The following ANKS1B variants were observed in gnomAD, a reference collection of about 807,000 sequenced individuals.
ANKS1B encodes the protein ankyrin repeat and sterile alpha motif domain containing 1B.
A neutral mutation model predicts 148.3 loss-of-function variants in ANKS1B; 36 were observed. The observed-to-expected ratio is 0.24, with a 90% CI of 0.19 to 0.32. The LOEUF (loss-of-function observed/expected upper bound fraction) is 0.32. ANKS1B is among the 10% of genes least tolerant of loss of function. The probability of loss-of-function intolerance (pLI) is 1.00; values close to 1 mark genes in which losing one functional copy is unlikely to be tolerated. For missense variants in ANKS1B, 1,157 were observed against 1,542.6 expected (o/e 0.75, Z 4.19); for synonymous variants, 542 against 560.8 (o/e 0.97, Z 0.47).
Position 99,805,315 on chromosome 12 carries a change from TAAGAC to T in ANKS1B, c.669+1084_669+1088del, listed in dbSNP as rs558045139. On this transcript the variant is annotated intron_variant, in intron 4 of 26. Coordinates refer to ENST00000683438, the MANE Select transcript of ANKS1B (RefSeq NM_001352186.2). ...ACTAACCCTGGAGTTGGGGCTAACTTAAGACAAGATATCAAAAGTAGGCTGTGGCC... is the reference window on the plus strand; with the variant it reads ...ACTAACCCTGGAGTTGGGGCTAACTTAAGATATCAAAAGTAGGCTGTGGCC... Among the ~76,000 whole-genome samples, 29 of 117,892 alleles carry T rather than the reference TAAGAC, an allele frequency of 2.5e-4. No individual in the cohort carries two copies. The South Asian group carries it at 8.6e-3, about 35-fold the overall frequency. 77.3% of individuals were successfully genotyped at this position (117,892 alleles called of 152,430 possible).
At chr12:98,945,617 G>T (rs2099844301) in intron 17 of ANKS1B, among the ~76,000 whole-genome samples, 1 of 150,172 alleles carries the variant, frequency 6.7e-6, no homozygotes, top group South Asian at 2.1e-4. Context: ...AAACTCCTGA[G>T]TCTGAAACAT....
intron 8 of ANKS1B, among the ~76,000 whole-genome samples, chr12:99,739,520 T>C (rs1472533167): frequency 6.6e-6 from 1 of 152,132 alleles, no homozygotes; most frequent in Non-Finnish European, 1.5e-5. Flanking sequence ...TATAATCATA[T>C]ATGAATAATG....
chr12:99,931,084 T>C (rs1313651297), intron 1 of ANKS1B, among the ~76,000 whole-genome samples: 11 of 151,356 alleles, frequency 7.3e-5, no homozygotes, highest in East Asian at 3.9e-4. Flanking sequence ...CAGCAAACTA[T>C]CACAAGGACA....
chr12:99,215,095 GT>G (rs1207816171), intron 14 of ANKS1B, among the ~76,000 whole-genome samples: 2 of 152,208 alleles, frequency 1.3e-5, no homozygotes, highest in South Asian at 2.1e-4. Flanking sequence ...CAAAGATATG[GT>G]TTGGAATTGG....
chr12:98,855,860 T>C (rs1258460266), intron 17 of ANKS1B, among the ~76,000 whole-genome samples: 1 of 152,202 alleles, frequency 6.6e-6, no homozygotes, highest in East Asian at 1.9e-4. Context: ...AAACTTTGTG[T>C]CTCTTCCAAA....
At chr12:99,070,713 C>T (rs1480468909) in intron 16 of ANKS1B, among the ~76,000 whole-genome samples, 1 of 152,170 alleles carries the variant, frequency 6.6e-6, no homozygotes, top group Non-Finnish European at 1.5e-5. Flanking sequence ...GGGTCTCATT[C>T]TGCTGTCCAG....
chr12:99,374,400 T>A (rs765609539), intron 12 of ANKS1B, among the ~76,000 whole-genome samples: 6 of 152,144 alleles, frequency 3.9e-5, no homozygotes, highest in Non-Finnish European at 8.8e-5. Flanking sequence ...AACTGGTGTG[T>A]CTACAGGGTC....
intron 12 of ANKS1B, among the ~76,000 whole-genome samples, chr12:99,259,500 A>G (rs2075687125): frequency 6.6e-6 from 1 of 152,182 alleles, no homozygotes. Flanking sequence ...TGGACAGCAG[A>G]CCATGCTGTT....
At chr12:98,741,039 A>G (rs895155831), downstream of ANKS1B, among the ~76,000 whole-genome samples, 7 of 152,166 alleles carry the variant, frequency 4.6e-5, no homozygotes, top group African/African-American at 1.4e-4. Context: ...TAAAGCTACA[A>G]TTCCAGCTCT....
At chr12:99,085,842 T>C (rs747555659) in intron 15 of ANKS1B, among the ~76,000 whole-genome samples, 3 of 151,996 alleles carry the variant, frequency 2.0e-5, no homozygotes, top group African/African-American at 4.8e-5. Flanking sequence ...AGGGGAATAA[T>C]ACACGCTGGC....
intron 14 of ANKS1B, among the ~76,000 whole-genome samples, chr12:99,157,925 C>T (rs1025396540): frequency 6.6e-6 from 1 of 152,120 alleles, no homozygotes. Flanking sequence ...AACTACTTTA[C>T]AAAATTTATA....
intron 11 of ANKS1B, among the ~76,000 whole-genome samples, chr12:99,424,700 CATCT>C (rs200893108): frequency 0.011 from 1,707 of 151,656 alleles, 37 homozygotes; most frequent in African/African-American, 0.036. Context: ...ATCTATCTGT[CATCT>C]ATCTGTCTGT....
intron 1 of ANKS1B, among the ~76,000 whole-genome samples, chr12:99,848,459 G>A (rs2087086655): frequency 6.6e-6 from 1 of 152,092 alleles, no homozygotes; most frequent in African/African-American, 2.4e-5. Flanking sequence ...CAACAAAGCT[G>A]GAAGACTTAA....
At chr12:98,952,880 A>G (rs776375432) in intron 17 of ANKS1B, among the ~76,000 whole-genome samples, 20 of 152,060 alleles carry the variant, frequency 1.3e-4, no homozygotes, top group Non-Finnish European at 5.9e-5. Flanking sequence ...TTTTTAAGAG[A>G]CAGCTTCTCA....
rs571985294 is a variant in ANKS1B at position 98,774,242 on chromosome 12, T to A, written c.3442-1063A>T. On this transcript the variant is annotated intron_variant, in intron 24 of 26. Transcript: ENST00000683438. ...ATTTAAGTGCCTTATGCAGAGCAGGTGCTGGGGTGGAACTGAAATTTGGGG... is the reference window on the plus strand; with the variant it reads ...ATTTAAGTGCCTTATGCAGAGCAGGAGCTGGGGTGGAACTGAAATTTGGGG... Among the ~76,000 whole-genome samples, 8 of 152,314 alleles carry A rather than the reference T, an allele frequency of 5.3e-5. No individual in the cohort carries two copies. In the South Asian group the frequency reaches 1.4e-3, roughly 28 times the overall value.
At chr12:99,527,205 T>TA (rs576694173) in intron 9 of ANKS1B, among the ~76,000 whole-genome samples, 14 of 151,782 alleles carry the variant, frequency 9.2e-5, no homozygotes, top group East Asian at 3.9e-4. Context: ...AATATAGAGT[T>TA]AAAAAAAACA....
chr12:98,895,019 C>G (rs986012030), intron 17 of ANKS1B: 12 of 848,334 alleles, frequency 1.4e-5, no homozygotes, highest in Middle Eastern at 5.9e-4. Context: ...GCGTCCTCCC[C>G]CGAACGCCGT....
chr12:99,954,325 C>T (rs2095280032), intron 1 of ANKS1B, among the ~76,000 whole-genome samples: 1 of 152,190 alleles, frequency 6.6e-6, no homozygotes, highest in African/African-American at 2.4e-5. Context: ...AGCGTTAATT[C>T]CAGGCTAATT....
intron 22 of ANKS1B, among the ~76,000 whole-genome samples, chr12:98,785,212 G>A (rs1478486899): frequency 2.0e-5 from 3 of 152,248 alleles, no homozygotes; most frequent in Non-Finnish European, 2.9e-5. Context: ...GCTCATGCCT[G>A]TATTCCCAGC....
Sources: allele counts gnomAD v4.1 joint callset (sites outside exome capture counted in the v4.1 genomes callset), GRCh38; gene constraint gnomAD v4.1.1; transcripts MANE v1.5; gene names NCBI Gene and HGNC (gene_info 2026-07-23, HGNC 2026-07-21).